Variants in NDUFAF6 observed in about 807,000 individuals in gnomAD.
NDUFAF6 encodes the protein NADH dehydrogenase (ubiquinone) complex I, assembly factor 6.
Under a neutral mutation model 40.8 loss-of-function variants are expected in NDUFAF6, and 45 were observed. The ratio of observed to expected loss-of-function variants is 1.10; its 90% CI spans 0.87 to 1.42. The LOEUF (loss-of-function observed/expected upper bound fraction) is 1.42, where lower values mean the gene tolerates loss of function less well. Ranked by LOEUF, NDUFAF6 falls within the 40% of genes most tolerant of loss-of-function variation. The pLI is 0.00. For synonymous variants in NDUFAF6, 185 were observed against 155.9 expected (o/e 1.19, Z -1.39); for missense variants, 435 against 418.5 (o/e 1.04, Z -0.34).
At chr8:94,988,534 G>GA (rs1250411121) in intron 2 of NDUFAF6, 4 of 151,912 alleles carry the variant, frequency 2.6e-5, no homozygotes, top group Non-Finnish European at 5.9e-5. Flanking sequence ...TCAAAAGTGG[G>GA]AAAAAATTCT....
At chr8:95,043,651 G>T (rs1830397552) in intron 4 of NDUFAF6, among the ~76,000 whole-genome samples, 1 of 152,126 alleles carries the variant, frequency 6.6e-6, no homozygotes, top group African/African-American at 2.4e-5. Flanking sequence ...CTTTTCATTA[G>T]AGAAATGCAA....
In NDUFAF6 at chr8:95,052,327, C is replaced by T. The variant is rs7842100; in HGVS notation, c.873+97C>T. On this transcript the variant is annotated intron_variant, in intron 8 of 8. Coordinates refer to ENST00000396124, the MANE Select transcript of NDUFAF6 (RefSeq NM_152416.4). The stretch of plus-strand genomic sequence containing the variant: ...AAGTTCCCAATGAACTTCTTTAGTT[C>T]GGAGCCTTTGTTTTTGTTTCCCTCC... 5,687 of 1,338,130 alleles carry T rather than the reference C, an allele frequency of 4.2e-3. 193 individuals carry two copies. The African/African-American group carries it at 0.072, about 17-fold the overall frequency. The allele number at this position is 1,338,130 out of a possible 1,614,324, so 82.9% of individuals were successfully genotyped here.
chr8:94,908,010 T>A (rs1204759531), intron 1 of NDUFAF6, among the ~76,000 whole-genome samples: 2 of 152,228 alleles, frequency 1.3e-5, no homozygotes, highest in African/African-American at 4.8e-5. Context: ...TCTACTATGT[T>A]TAATACAGTT....
intron 6 of NDUFAF6, among the ~76,000 whole-genome samples, chr8:95,047,859 GTA>G (rs1830982724): frequency 6.6e-6 from 1 of 150,408 alleles, no homozygotes; most frequent in Non-Finnish European, 1.5e-5. Flanking sequence ...CAAACTTTTT[GTA>G]TGTTTCTTTT....
chr8:94,948,783 G>C (rs966822301), intron 2 of NDUFAF6, among the ~76,000 whole-genome samples: 2 of 152,112 alleles, frequency 1.3e-5, no homozygotes, highest in East Asian at 1.9e-4. Context: ...AGTGAGGAGG[G>C]GTGAGAGGAG....
intron 2 of NDUFAF6, among the ~76,000 whole-genome samples, chr8:95,003,389 A>G (rs1574312): frequency 0.092 from 14,084 of 152,268 alleles, 1,145 homozygotes; most frequent in African/African-American, 0.22. Flanking sequence ...TATATAAGTA[A>G]GGACACAGAG....
chr8:95,053,078 C>T (rs1295824984), intron 8 of NDUFAF6, among the ~76,000 whole-genome samples: 1 of 152,112 alleles, frequency 6.6e-6, no homozygotes, highest in African/African-American at 2.4e-5. Flanking sequence ...TATCTTCTAC[C>T]TTTTCCCCTG....
In NDUFAF6 at chr8:95,046,745, T is replaced by C. The variant is rs140940381; in HGVS notation, c.581-249T>C. Reference sequence around the variant, plus strand: ...CATGATAGCCGATTAAAATTCTAAATGTGTTCTTAGTGTGCTGTAGTCTGA... The same window carrying C: ...CATGATAGCCGATTAAAATTCTAAACGTGTTCTTAGTGTGCTGTAGTCTGA... On this transcript the variant is annotated intron_variant, in intron 5 of 8. Transcript: ENST00000396124. 2.8e-3 allele frequency among the ~76,000 whole-genome samples: 427 copies of C among 152,308 alleles called. 4 individuals carry two copies. The Middle Eastern group carries it at 0.044, about 16-fold the overall frequency.
At chr8:95,074,981 C>T (rs1333850808) in intron 9 of NDUFAF6, among the ~76,000 whole-genome samples, 5 of 152,144 alleles carry the variant, frequency 3.3e-5, no homozygotes, top group Admixed American at 3.3e-4. Flanking sequence ...AGCAACCCCA[C>T]CCCTCAAATA....
rs563687562 is a variant in NDUFAF6, at chr8:94,914,103, CTTTTTTT to C, written c.-936+18193_-936+18199del. Among the ~76,000 whole-genome samples the C allele has an allele frequency of 7.5e-4, 74 of 98,196 alleles. No individual in the cohort carries two copies. The East Asian group carries it at 7.7e-3, about 10-fold the overall frequency. The allele number at this position is 98,196 out of a possible 152,430, so 64.4% of individuals were successfully genotyped here. On this transcript the variant is annotated intron_variant, in intron 1 of 14. Transcript: ENST00000396113. Reference sequence around the variant, plus strand: ...CCGCGCCCGGCCTGAGACCTTATCTCTTTTTTTTTTTTTTTTTTTTTTTCAGTGGTTT... The same window carrying C: ...CCGCGCCCGGCCTGAGACCTTATCTCTTTTTTTTTTTTTTTTCAGTGGTTT...
At chr8:94,983,131 A>G (rs1825579117) in intron 2 of NDUFAF6, among the ~76,000 whole-genome samples, 1 of 152,208 alleles carries the variant, frequency 6.6e-6, no homozygotes, top group African/African-American at 2.4e-5. Flanking sequence ...TCTAGGCAAA[A>G]TAGAATAATA....
intron 1 of NDUFAF6, among the ~76,000 whole-genome samples, chr8:94,935,122 G>C (rs199564749): frequency 2.1e-4 from 24 of 114,966 alleles, no homozygotes; most frequent in African/African-American, 7.3e-4. Flanking sequence ...TACATAGGTA[G>C]ATAGATATAG....
chr8:95,056,605 G>C (rs533913788), intron 8 of NDUFAF6, among the ~76,000 whole-genome samples: 203 of 151,908 alleles, frequency 1.3e-3, no homozygotes, highest in African/African-American at 4.4e-3. Context: ...GTAAGTTTAG[G>C]GTTTTAAAAA....
At chr8:95,094,539 A>G (rs1809383048) in intron 2 of NDUFAF6, among the ~76,000 whole-genome samples, 1 of 149,436 alleles carries the variant, frequency 6.7e-6, no homozygotes, top group South Asian at 2.1e-4. Flanking sequence ...TAGCCTCCCA[A>G]GTAGCTGAGA....
At chr8:94,915,533 G>A (rs1458966301) in intron 1 of NDUFAF6, among the ~76,000 whole-genome samples, 4 of 152,194 alleles carry the variant, frequency 2.6e-5, no homozygotes, top group Admixed American at 1.3e-4. Flanking sequence ...ATGAACATGC[G>A]AGTGCAGGTG....
intron 2 of NDUFAF6, among the ~76,000 whole-genome samples, chr8:94,994,649 C>T (rs1826340419): frequency 6.6e-6 from 1 of 151,956 alleles, no homozygotes; most frequent in East Asian, 1.9e-4. Flanking sequence ...GCCTGGACAA[C>T]ACAGTGAGAC....
intron 2 of NDUFAF6, among the ~76,000 whole-genome samples, chr8:94,991,530 AATCTAATCAGCTTATGTATGTAAATG>A (rs1826191216): frequency 6.6e-6 from 1 of 152,230 alleles, no homozygotes; most frequent in African/African-American, 2.4e-5. Flanking sequence ...TTGCTATATG[AATCTAATCAGCTTATGTATGTAAATG>A]AGAACATAAT....
chr8:95,092,842 C>T (rs868774825), intron 2 of NDUFAF6, among the ~76,000 whole-genome samples: 4 of 152,218 alleles, frequency 2.6e-5, no homozygotes, highest in African/African-American at 7.2e-5. Flanking sequence ...CTTTGGCCTC[C>T]CAGGTGCTGG....
intron 2 of NDUFAF6, chr8:95,085,668 T>TAGA (rs1554690244): frequency 1.4e-5 from 2 of 141,900 alleles, no homozygotes; most frequent in Non-Finnish European, 3.0e-5. Context: ...ACCTCATTTC[T>TAGA]AAAAAAAAAA....
Sources: allele counts gnomAD v4.1 joint callset (sites outside exome capture counted in the v4.1 genomes callset), GRCh38; gene constraint gnomAD v4.1.1; transcripts MANE v1.5; gene names NCBI Gene and HGNC (gene_info 2026-07-23, HGNC 2026-07-21).